Variants in AXIN2 observed in about 807,000 individuals in gnomAD.
The protein encoded by AXIN2 is axin 2.
Under a neutral mutation model 74.7 loss-of-function variants are expected in AXIN2, and 21 were observed. The ratio of observed to expected loss-of-function variants is 0.28; its 90% CI spans 0.20 to 0.40. AXIN2 has a LOEUF of 0.40. AXIN2 is among the 10% of genes least tolerant of loss of function. The pLI is 1.00. For missense variants in AXIN2, 1,144 were observed against 1,111.1 expected, an observed-to-expected ratio of 1.03 and a Z score of -0.42; for synonymous variants, 532 against 454.9, an observed-to-expected ratio of 1.17 and a Z score of -2.16.
intron 1 of AXIN2, among the ~76,000 whole-genome samples, chr17:65,559,074 C>A (rs1472157304): frequency 6.6e-6 from 1 of 152,188 alleles, no homozygotes; most frequent in East Asian, 1.9e-4. Flanking sequence ...TCGGCCAGGG[C>A]GCACGCAGGG....
chr17:65,533,258 T>C (rs975429810), intron 10 of AXIN2, among the ~76,000 whole-genome samples: 1 of 152,202 alleles, frequency 6.6e-6, no homozygotes, highest in Non-Finnish European at 1.5e-5. Flanking sequence ...GGCCCAGGCC[T>C]GGACAGGAGG....
chr17:65,535,861 C>T (rs2043903434), intron 8 of AXIN2, 140 bp from the exon 9 acceptor site: 24 of 785,680 alleles, frequency 3.1e-5, no homozygotes, highest in Non-Finnish European at 4.6e-5. Flanking sequence ...CAACCAAGAC[C>T]CTGGGTTAAC....
In AXIN2 at chr17:65,558,634, T is replaced by C. The variant is rs765950790; in HGVS notation, c.-14A>G. ...AGCGCTACTCATGGTGAGGGAGCTCTTCCCACTGAGTCTGGGAATTTTTCT... is the reference window on the plus strand; with the variant it reads ...AGCGCTACTCATGGTGAGGGAGCTCCTCCCACTGAGTCTGGGAATTTTTCT... On this transcript the variant is annotated 5_prime_UTR_variant, in exon 2 of 11. Transcript: ENST00000307078. 1.2e-6 allele frequency: 2 copies of C among 1,602,042 alleles called. No homozygotes were observed. Among genetic ancestry groups the C allele is most frequent in the South Asian group, 2.2e-5 (2 of 90,870 alleles).
intron 10 of AXIN2, 143 bp from the exon 11 acceptor site, chr17:65,530,245 T>G: frequency 8.7e-7 from 1 of 1,149,404 alleles, no homozygotes; most frequent in Non-Finnish European, 1.3e-6. Flanking sequence ...CACATCTGCT[T>G]TAAGACGGCA....
chr17:65,536,619 T>C, intron 7 of AXIN2, 66 bp from the exon 8 acceptor site: 2 of 1,566,200 alleles, frequency 1.3e-6, no homozygotes, highest in East Asian at 2.2e-5. Flanking sequence ...CTGGAAAATG[T>C]GACTTCAATA....
chr17:65,558,033 G>C lies in AXIN2; in HGVS notation c.588C>G (p.Tyr196Ter), dbSNP rs1470895086. ...CTCCCCCACTCCTCACATATTCGAG[G>C]TATATATCAGAAGTCAAAAACATCT... The part of the protein sequence containing the change: ...AYQMFLTSDI[Y>*]LEYVRSGGEN... The change falls in exon 2 of 11, where the codon TAC becomes TAG. Residue 196 changes from tyrosine to a stop codon, truncating the protein, a stop_gained. Transcript: ENST00000307078. LOFTEE classifies it high-confidence loss of function. The C allele has an allele frequency of 1.2e-6, 2 of 1,614,110 alleles. No homozygotes were observed. Among genetic ancestry groups the C allele is most frequent in the Non-Finnish European group, 1.7e-6 (2 of 1,180,034 alleles).
intron 9 of AXIN2, among the ~76,000 whole-genome samples, chr17:65,535,393 C>T (rs1244996187): frequency 1.3e-5 from 2 of 152,202 alleles, no homozygotes; most frequent in Non-Finnish European, 2.9e-5. Flanking sequence ...CTGCTAATGG[C>T]TTCATGTCCC....
At chr17:65,541,653 A>G in intron 3 of AXIN2, 96 bp from the exon 4 acceptor site, 1 of 1,005,198 alleles carries the variant, frequency 9.9e-7, no homozygotes. Context: ...GATCCCGCCG[A>G]CAGGGCCACA....
In AXIN2 at chr17:65,549,415, G is replaced by C. The variant is rs1769768518; in HGVS notation, c.956+105C>G. On this transcript the variant is annotated intron_variant, in intron 3 of 10. Transcript: ENST00000307078. ...CCAAACTGATGTCCATACATGCACA[G>C]GTGCGGTCTGCAAAGCCAGCTGAGG... 78 of 1,411,484 alleles carry C rather than the reference G, an allele frequency of 5.5e-5. 3 individuals carry two copies. The South Asian group carries it at 9.4e-4, about 17-fold the overall frequency. The allele number at this position is 1,411,484 out of a possible 1,614,324, so 87.4% of individuals were successfully genotyped here.
chr17:65,558,167 C>G lies in AXIN2; in HGVS notation c.454G>C (p.Ala152Pro), dbSNP rs772740656. ...NSIVSKQLKP[A>P]TKTYIRDGIK... ...CCATCTCTTATGTAGGTCTTGGTGG[C>G]AGGCTTCAGCTGCTTGGAGACAATG... is the stretch of plus-strand genomic sequence containing the variant. Residue 152 changes from alanine to proline, a missense_variant, in exon 2 of 11, where the codon GCC becomes CCC. Ala to Pro is a conservative substitution (Grantham distance 27, BLOSUM62 -1). This residue lies in a region of AXIN2 where 1,053 missense variants were observed against 973.5 expected (regional missense o/e 1.08). Transcript: ENST00000307078. 1.2e-6 allele frequency: 2 copies of G among 1,612,126 alleles called. No homozygotes were observed. Among genetic ancestry groups the G allele is most frequent in the Non-Finnish European group, 1.7e-6 (2 of 1,179,300 alleles).
intron 3 of AXIN2, among the ~76,000 whole-genome samples, chr17:65,544,889 C>T (rs977725136): frequency 3.3e-5 from 5 of 152,178 alleles, no homozygotes; most frequent in African/African-American, 7.2e-5. Flanking sequence ...TGCACACATG[C>T]GTCCACTCGC....
In AXIN2 at chr17:65,558,717, G is replaced by T; in HGVS notation, c.-97C>A. ...TCTCTGTCTCTCTCAAGTCAGCAGG[G>T]GCTCATCTGAACCTCCTCTCTGGAA... is the stretch of plus-strand genomic sequence containing the variant. On this transcript the variant is annotated 5_prime_UTR_variant, in exon 2 of 11. Transcript: ENST00000307078. 1 of 1,255,534 alleles carries T rather than the reference G, an allele frequency of 8.0e-7. No individual in the cohort carries two copies. Among genetic ancestry groups the T allele is most frequent in the Non-Finnish European group, 1.1e-6 (1 of 891,796 alleles). 77.8% of individuals were successfully genotyped at this position (1,255,534 alleles called of 1,614,324 possible).
chr17:65,529,119 C>A lies in AXIN2; in HGVS notation c.*857G>T. 1 of 234,784 alleles carries A rather than the reference C, an allele frequency of 4.3e-6. No homozygotes were observed. Among genetic ancestry groups the A allele is most frequent in the East Asian group, 6.0e-5 (1 of 16,654 alleles). The allele number at this position is 234,784 out of a possible 1,614,324, so 14.5% of individuals were successfully genotyped here. A position where few individuals can be genotyped will look rare whatever the true frequency, so the allele number is the denominator to read the frequency against. The stretch of plus-strand genomic sequence containing the variant: ...AAAAAACAAGGAACTGTCATTTCCA[C>A]GAAAGCACAGCGGCAGTGATTCTAG... On this transcript the variant is annotated 3_prime_UTR_variant, in exon 11 of 11. Transcript: ENST00000307078.
At chr17:65,547,609 A>C (rs992935323) in intron 3 of AXIN2, among the ~76,000 whole-genome samples, 4 of 152,246 alleles carry the variant, frequency 2.6e-5, no homozygotes, top group Non-Finnish European at 4.4e-5. Flanking sequence ...ACCAGGAAGC[A>C]AGCCAAAAAT....
At chr17:65,559,138 C>T (rs984259086) in intron 1 of AXIN2, among the ~76,000 whole-genome samples, 3 of 152,076 alleles carry the variant, frequency 2.0e-5, no homozygotes, top group Non-Finnish European at 4.4e-5. Context: ...ATACCATCAA[C>T]TCCAAAAAGG....
At chr17:65,546,496 C>T (rs1364477469) in intron 3 of AXIN2, among the ~76,000 whole-genome samples, 3 of 152,146 alleles carry the variant, frequency 2.0e-5, no homozygotes, top group African/African-American at 7.2e-5. Context: ...GGGAGGGCCC[C>T]AGAGACCCCC....
intron 9 of AXIN2, among the ~76,000 whole-genome samples, chr17:65,534,667 G>A (rs773016186): frequency 9.2e-5 from 14 of 152,114 alleles, no homozygotes; most frequent in South Asian, 4.1e-4. Context: ...GGTGGCTCAC[G>A]CCTGTAATCC....
At position 65,558,148 on chromosome 17, in the gene AXIN2, C is replaced by T. The variant is rs748730853; in HGVS notation, c.473G>A (p.Arg158Lys). 1 of 1,614,120 alleles carries T rather than the reference C, an allele frequency of 6.2e-7. No homozygotes were observed. Among genetic ancestry groups the T allele is most frequent in the Admixed American group, 1.7e-5 (1 of 60,012 alleles). Residue 158 changes from arginine (R) to lysine (K), a missense_variant, in exon 2 of 11, where the codon AGA becomes AAA. This residue lies in a region of AXIN2 where 1,053 missense variants were observed against 973.5 expected (regional missense o/e 1.08). Transcript: ENST00000307078. The stretch of plus-strand genomic sequence containing the variant: ...AATCTGCTGCTTCTTGATGCCATCT[C>T]TTATGTAGGTCTTGGTGGCAGGCTT... ...QLKPATKTYI[R>K]DGIKKQQIDS...
chr17:65,549,786 C>T, intron 2 of AXIN2, 126 bp from the exon 3 acceptor site: 1 of 1,247,790 alleles, frequency 8.0e-7, no homozygotes, highest in Non-Finnish European at 1.1e-6. Flanking sequence ...CTGCCCAGGT[C>T]CAGTTGCTCA....
Sources: allele counts gnomAD v4.1 joint callset (sites outside exome capture counted in the v4.1 genomes callset), GRCh38; gene constraint gnomAD v4.1.1; regional missense constraint gnomAD v4.1.1; transcripts MANE v1.5; gene names NCBI Gene and HGNC (gene_info 2026-07-23, HGNC 2026-07-21).